ECT2: variants seen among roughly 807,000 people sequenced by gnomAD.
ECT2 encodes protein ECT2.
Under a neutral mutation model 116.9 loss-of-function variants are expected in ECT2, and 61 were observed. That is an observed-to-expected ratio of 0.52 (90% CI 0.42 to 0.65). ECT2 has a LOEUF of 0.65. Among genes scored for constraint, ECT2 ranks in the 30% least tolerant of loss-of-function variants. ECT2 has a pLI of 0.00. For missense variants in ECT2, 937 were observed against 1,078.7 expected, an observed-to-expected ratio of 0.87 and a Z score of 1.84; for synonymous variants, 358 against 346.4, an observed-to-expected ratio of 1.03 and a Z score of -0.37.
downstream of ECT2, among the ~76,000 whole-genome samples, chr3:172,825,379 A>G (rs1194134854): frequency 6.6e-6 from 1 of 152,110 alleles, no homozygotes; most frequent in African/African-American, 2.4e-5. Context: ...ATCAAAAGCT[A>G]GGAATTACTA....
chr3:172,759,452 A>AT (rs1156884635), intron 6 of ECT2, among the ~76,000 whole-genome samples: 4 of 151,370 alleles, frequency 2.6e-5, no homozygotes, highest in East Asian at 3.9e-4. Flanking sequence ...TTTTTATTTT[A>AT]TTTTTTTTGA....
chr3:172,764,573 C>A, intron 12 of ECT2, 73 bp downstream of exon 12: 1 of 1,352,510 alleles, frequency 7.4e-7, no homozygotes, highest in Non-Finnish European at 1.0e-6. Context: ...TAGATAAATC[C>A]CTGATATAGT....
At chr3:172,753,835 G>A (rs1716419119) in intron 1 of ECT2, among the ~76,000 whole-genome samples, 1 of 152,220 alleles carries the variant, frequency 6.6e-6, no homozygotes, top group South Asian at 2.1e-4. Flanking sequence ...TGTGAACTTG[G>A]TGGTGAATTT....
chr3:172,793,613 G>A (rs1169169298), intron 18 of ECT2, among the ~76,000 whole-genome samples: 1 of 151,938 alleles, frequency 6.6e-6, no homozygotes, highest in Non-Finnish European at 1.5e-5. Context: ...ACAGGCACCT[G>A]CCACCATGCC....
At chr3:172,788,346 A>G (rs1036808310) in intron 18 of ECT2, among the ~76,000 whole-genome samples, 2 of 152,242 alleles carry the variant, frequency 1.3e-5, no homozygotes, top group African/African-American at 4.8e-5. Context: ...AATTTGTTAT[A>G]GATATGTTTT....
intron 12 of ECT2, among the ~76,000 whole-genome samples, chr3:172,766,926 A>G (rs997732063): frequency 6.6e-6 from 1 of 152,244 alleles, no homozygotes; most frequent in Non-Finnish European, 1.5e-5. Flanking sequence ...CCACCGAAGT[A>G]AACAGATGTG....
intron 22 of ECT2, among the ~76,000 whole-genome samples, chr3:172,812,257 T>C (rs1469263558): frequency 6.6e-6 from 1 of 152,210 alleles, no homozygotes; most frequent in African/African-American, 2.4e-5. Context: ...ATCACAGTGC[T>C]GGGATTACAG....
chr3:172,829,221 A>G, the ECT2 span: 1 of 340,470 alleles, frequency 2.9e-6, no homozygotes, highest in Non-Finnish European at 5.5e-6. Flanking sequence ...CCAGCCAAAA[A>G]TTGGTATCTT....
At chr3:172,778,342 A>G (rs1209229582) in intron 14 of ECT2, among the ~76,000 whole-genome samples, 1 of 152,138 alleles carries the variant, frequency 6.6e-6, no homozygotes, top group Admixed American at 6.5e-5. Flanking sequence ...TCTGTCCTAA[A>G]TTGTATCGGG....
chr3:172,764,219 G>A, intron 11 of ECT2, 59 bp from the exon 12 acceptor site: 2 of 1,445,006 alleles, frequency 1.4e-6, no homozygotes, highest in African/African-American at 2.8e-5. Flanking sequence ...TTTTTCTCTT[G>A]TTCCTGTCTC....
intron 18 of ECT2, among the ~76,000 whole-genome samples, chr3:172,795,282 C>T (rs867851287): frequency 1.8e-4 from 26 of 144,336 alleles, no homozygotes; most frequent in African/African-American, 6.0e-4. Flanking sequence ...GCCAAGATTG[C>T]ACCACTGCAC....
Position 172,815,699 on chromosome 3 carries a change from G to T in ECT2, c.2496G>T (p.Lys832Asn), listed in dbSNP as rs150167560. The change falls in exon 23 of 25, where the codon AAG becomes AAT. Residue 832 changes from lysine to asparagine, a missense_variant. Transcript: ENST00000392692. ...GTAGAGCATCAAGAGCAATAAAAAA[G>T]ACTTCAAAAAAGGTGAGTTTTAGTG... Reference protein sequence around the residue: ...TLSRASRAIKKTSKKVTRAFS... With the variant: ...TLSRASRAIKNTSKKVTRAFS... 5.6e-6 allele frequency: 9 copies of T among 1,594,172 alleles called. No individual in the cohort carries two copies. Among genetic ancestry groups the T allele is most frequent in the African/African-American group, 5.4e-5 (4 of 73,902 alleles).
At chr3:172,803,812 CTT>C (rs71162313) in intron 20 of ECT2, among the ~76,000 whole-genome samples, 1 of 146,188 alleles carries the variant, frequency 6.8e-6, no homozygotes, top group South Asian at 2.2e-4. Flanking sequence ...TTTCGTTTTT[CTT>C]TTTTTTTTCG....
Position 172,783,781 on chromosome 3 carries a change from T to C in ECT2, c.1618-18T>C, listed in dbSNP as rs1275969467. On this transcript the variant is annotated intron_variant, in intron 15 of 24. Coordinates refer to ENST00000392692, the MANE Select transcript of ECT2 (RefSeq NM_001258315.2). ...ACAAATGCATAATAAATAATGTTTTTTTCCCTTTTCTTCCTAGTCAAAAGA... is the reference window on the plus strand; with the variant it reads ...ACAAATGCATAATAAATAATGTTTTCTTCCCTTTTCTTCCTAGTCAAAAGA... 1 of 1,481,252 alleles carries C rather than the reference T, an allele frequency of 6.8e-7. No homozygotes were observed. The highest frequency in any genetic ancestry group is 9.4e-7 in the Non-Finnish European group (1 of 1,065,288). 91.8% of individuals were successfully genotyped at this position (1,481,252 alleles called of 1,614,324 possible).
chr3:172,755,027 A>G (rs982979432), intron 2 of ECT2, among the ~76,000 whole-genome samples: 2 of 151,842 alleles, frequency 1.3e-5, no homozygotes, highest in African/African-American at 4.8e-5. Context: ...ACTGTTGAGG[A>G]GGATGACTAT....
intron 13 of ECT2, 65 bp from the exon 14 acceptor site, chr3:172,773,838 T>G: frequency 6.7e-7 from 1 of 1,495,646 alleles, no homozygotes; most frequent in Non-Finnish European, 9.2e-7. Context: ...CCTTTATCAC[T>G]GTCTATCTTT....
chr3:172,761,180 G>C (rs1349942256), intron 7 of ECT2, among the ~76,000 whole-genome samples: 4 of 152,026 alleles, frequency 2.6e-5, no homozygotes, highest in Admixed American at 2.0e-4. Flanking sequence ...TTTTTTCTTA[G>C]TCTCCCTTAG....
At position 172,821,311 on chromosome 3, in the gene ECT2, G is replaced by C. The variant is rs1338644770; in HGVS notation, c.*1074G>C. The stretch of plus-strand genomic sequence containing the variant: ...TCTTTAGGGAGTGCTACAAATGTTT[G>C]TCACTTAAATTTCAAGTTTCTGTTT... On this transcript the variant is annotated 3_prime_UTR_variant, in exon 25 of 25. Transcript: ENST00000392692. 1 of 151,780 alleles carries C rather than the reference G, an allele frequency of 6.6e-6. No homozygotes were observed. The highest frequency in any genetic ancestry group is 1.5e-5 in the Non-Finnish European group (1 of 67,752). 9.4% of individuals were successfully genotyped at this position (151,780 alleles called of 1,614,324 possible).
chr3:172,764,538 G>T (rs1184058945), intron 12 of ECT2, 38 bp downstream of exon 12: 1 of 1,543,334 alleles, frequency 6.5e-7, no homozygotes, highest in East Asian at 2.2e-5. Context: ...TTAAAGTTTA[G>T]TGGAATGGAA....
Sources: gnomAD v4.1 joint callset for allele counts (sites outside exome capture counted in the v4.1 genomes callset) on GRCh38, gnomAD v4.1.1 for gene constraint, MANE v1.5 for transcripts, NCBI Gene and HGNC (gene_info 2026-07-23, HGNC 2026-07-21) for gene names.